Variants in SPAST observed in about 807,000 individuals in gnomAD.
The protein encoded by SPAST is spastin, also known as spastic paraplegia 4 (autosomal dominant; spastin).
Under a neutral mutation model 76.6 loss-of-function variants are expected in SPAST, and 30 were observed. That is an observed-to-expected ratio of 0.39 (90% CI 0.29 to 0.53). SPAST has a LOEUF of 0.53. Among genes scored for constraint, SPAST ranks in the 20% least tolerant of loss-of-function variants. The pLI, the probability that SPAST is intolerant of heterozygous loss-of-function variation, is 0.68. For synonymous variants in SPAST, 305 were observed against 281.0 expected (o/e 1.09, Z -0.86); for missense variants, 717 against 770.5 (o/e 0.93, Z 0.82).
chr2:32,153,969 C>T lies in SPAST; in HGVS notation c.1729-405C>T, dbSNP rs888288800. ...GCATGTGCCTGTAATCCCAGCTACTCGGGAGGCTGAGACAGAAGAATTGCT... is the reference window on the plus strand; with the variant it reads ...GCATGTGCCTGTAATCCCAGCTACTTGGGAGGCTGAGACAGAAGAATTGCT... On this transcript the variant is annotated intron_variant, in intron 16 of 16. Coordinates refer to ENST00000315285, the MANE Select transcript of SPAST (RefSeq NM_014946.4). Among the ~76,000 whole-genome samples, 5 of 152,064 alleles carry T rather than the reference C, an allele frequency of 3.3e-5. No individual in the cohort carries two copies. The East Asian group carries it at 5.8e-4, about 18-fold the overall frequency.
At chr2:32,129,907 G>C (rs1679314109) in intron 9 of SPAST, 2 of 152,648 alleles carry the variant, frequency 1.3e-5, no homozygotes, top group Admixed American at 1.3e-4. Flanking sequence ...GCTGAGGCGA[G>C]AGGATCTCTT....
intron 4 of SPAST, among the ~76,000 whole-genome samples, chr2:32,110,249 C>T (rs1278311615): frequency 6.8e-6 from 1 of 148,118 alleles, no homozygotes; most frequent in East Asian, 2.0e-4. Context: ...CTCCCGAGTA[C>T]CTGGGATTAC....
At position 32,136,413 on chromosome 2, in the gene SPAST, T is replaced by TC. The variant is rs11392886; in HGVS notation, c.1246-150_1246-149insC. On this transcript the variant is annotated intron_variant, in intron 9 of 16. Coordinates refer to ENST00000315285, the MANE Select transcript of SPAST (RefSeq NM_014946.4). ...GTTGTCTAAAATTGTAAGGGACGGT[T>TC]AGTAGTACTCTCCCCTTTCTCAAAC... 0.38 allele frequency: 248,067 copies of TC among 652,644 alleles called. 50,055 individuals are homozygous for TC. Among genetic ancestry groups the TC allele is most frequent in the East Asian group, 0.6 (21,446 of 35,448 alleles). The allele number at this position is 652,644 out of a possible 1,614,324, so 40.4% of individuals were successfully genotyped here. A position where few individuals can be genotyped will look rare whatever the true frequency, so the allele number is the denominator to read the frequency against.
intron 9 of SPAST, chr2:32,129,380 C>T (rs1292183645): frequency 6.6e-6 from 1 of 152,076 alleles, no homozygotes; most frequent in African/African-American, 2.4e-5. Context: ...TGAGCCACCA[C>T]ACCTGGCCAG....
chr2:32,082,963 TTTAA>T (rs1021350537), intron 1 of SPAST, among the ~76,000 whole-genome samples: 3 of 152,134 alleles, frequency 2.0e-5, no homozygotes, highest in Non-Finnish European at 2.9e-5. Context: ...GTTGTTGTTG[TTTAA>T]TTAATTAATT....
At chr2:32,113,542 G>C (rs1057253649) in intron 4 of SPAST, among the ~76,000 whole-genome samples, 5 of 146,858 alleles carry the variant, frequency 3.4e-5, no homozygotes, top group Non-Finnish European at 6.0e-5. Flanking sequence ...TTATTTGAGA[G>C]CTTTATTTGC....
chr2:32,065,843 A>G (rs552508307), intron 1 of SPAST, among the ~76,000 whole-genome samples: 1 of 152,322 alleles, frequency 6.6e-6, no homozygotes, highest in East Asian at 1.9e-4. Flanking sequence ...GTGGGATATA[A>G]GGAAAGAGGC....
At chr2:32,115,643 T>C in intron 5 of SPAST, 59 bp from the exon 6 acceptor site, 3 of 1,319,148 alleles carry the variant, frequency 2.3e-6, no homozygotes, top group Non-Finnish European at 3.2e-6. Context: ...GGTTAACTTA[T>C]TTATGAAAAG....
chr2:32,069,925 A>G (rs1408733332), intron 1 of SPAST, among the ~76,000 whole-genome samples: 1 of 152,034 alleles, frequency 6.6e-6, no homozygotes, highest in Non-Finnish European at 1.5e-5. Flanking sequence ...AAACTGTAGT[A>G]GTGTTAATTG....
intron 12 of SPAST, among the ~76,000 whole-genome samples, chr2:32,140,859 T>G (rs1444632717): frequency 6.6e-6 from 1 of 151,836 alleles, no homozygotes; most frequent in Non-Finnish European, 1.5e-5. Flanking sequence ...TGGCAAAATC[T>G]TCTCATGCAT....
chr2:32,069,661 A>G (rs1265874227), intron 1 of SPAST, among the ~76,000 whole-genome samples: 1 of 148,638 alleles, frequency 6.7e-6, no homozygotes, highest in Non-Finnish European at 1.5e-5. Context: ...CGTTCACGCC[A>G]TTTTCCTGCC....
chr2:32,064,251 C>T lies in SPAST; in HGVS notation c.415+5C>T. Reference sequence around the variant, plus strand: ...GCATCGATGAGGATGAGAAAGGTAACTAGGGGGCTGGGGGAGGGGGCGGCG... The same window carrying T: ...GCATCGATGAGGATGAGAAAGGTAATTAGGGGGCTGGGGGAGGGGGCGGCG... On this transcript the variant is annotated splice_donor_5th_base_variant and intron_variant, in intron 1 of 16. Coordinates refer to ENST00000315285, the MANE Select transcript of SPAST (RefSeq NM_014946.4). 1 of 1,369,000 alleles carries T rather than the reference C, an allele frequency of 7.3e-7. No individual in the cohort carries two copies. The highest frequency in any genetic ancestry group is 9.7e-7 in the Non-Finnish European group (1 of 1,035,166). The allele number at this position is 1,369,000 out of a possible 1,614,324, so 84.8% of individuals were successfully genotyped here. A position where few individuals can be genotyped will look rare whatever the true frequency, so the allele number is the denominator to read the frequency against.
chr2:32,137,820 C>T (rs942144023), intron 12 of SPAST, among the ~76,000 whole-genome samples: 1 of 152,104 alleles, frequency 6.6e-6, no homozygotes, highest in Non-Finnish European at 1.5e-5. Flanking sequence ...GCTTTCTTCC[C>T]CCATGTAGTA....
intron 3 of SPAST, among the ~76,000 whole-genome samples, chr2:32,093,647 C>G (rs1361506374): frequency 6.6e-6 from 1 of 152,126 alleles, no homozygotes; most frequent in East Asian, 1.9e-4. Context: ...AATATAAACT[C>G]TATGGAGGAG....
At chr2:32,065,745 T>C (rs1192006438) in intron 1 of SPAST, among the ~76,000 whole-genome samples, 2 of 152,190 alleles carry the variant, frequency 1.3e-5, no homozygotes, top group East Asian at 1.9e-4. Flanking sequence ...TCATTCATAG[T>C]GTCTGTCTCT....
chr2:32,141,092 A>G lies in SPAST; in HGVS notation c.1494-812A>G, dbSNP rs1679705673. 3.3e-5 allele frequency among the ~76,000 whole-genome samples: 5 copies of G among 152,116 alleles called. No homozygotes were observed. In the South Asian group the frequency reaches 1.0e-3, roughly 32 times the overall value. ...GATAGGTATCTTGAGTAGTCCATGT[A>G]TACACTAAACTAGCATGCAGCCTCC... On this transcript the variant is annotated intron_variant, in intron 12 of 16. Coordinates refer to ENST00000315285, the MANE Select transcript of SPAST (RefSeq NM_014946.4).
At chr2:32,098,535 T>C (rs1009206670) in intron 3 of SPAST, among the ~76,000 whole-genome samples, 2 of 152,194 alleles carry the variant, frequency 1.3e-5, no homozygotes, top group Admixed American at 6.5e-5. Flanking sequence ...GATAGTGATA[T>C]CTAACTACCT....
At position 32,063,800 on chromosome 2, in the gene SPAST, G is replaced by A; in HGVS notation, c.-32G>A. ...GGTTCCCGTCGGTCTGCGGGAGGCG[G>A]GTTATGGCGGCGGCGGCAGTGAGAG... On this transcript the variant is annotated 5_prime_UTR_variant, in exon 1 of 17. Coordinates refer to ENST00000315285, the MANE Select transcript of SPAST (RefSeq NM_014946.4). The A allele has an allele frequency of 6.5e-7, 1 of 1,549,984 alleles. No homozygotes were observed. Among genetic ancestry groups the A allele is most frequent in the Non-Finnish European group, 8.6e-7 (1 of 1,156,086 alleles).
chr2:32,136,800 G>A (rs1465735189), intron 10 of SPAST, 77 bp from the exon 11 acceptor site: 3 of 1,269,188 alleles, frequency 2.4e-6, no homozygotes, highest in African/African-American at 2.9e-5. Context: ...ATATTAATAA[G>A]TAGTAAACTA....
Sources: allele counts gnomAD v4.1 joint callset (sites outside exome capture counted in the v4.1 genomes callset), GRCh38; gene constraint gnomAD v4.1.1; transcripts MANE v1.5; gene names NCBI Gene and HGNC (gene_info 2026-07-23, HGNC 2026-07-21).